Variants in HMGA2 observed in about 807,000 individuals in gnomAD.
The protein encoded by HMGA2 is high mobility group AT-hook 2.
In HMGA2, 8 loss-of-function variants were observed where a neutral mutation model predicts 19.1. The observed-to-expected ratio is 0.42, with a 90% CI of 0.25 to 0.76. The LOEUF (loss-of-function observed/expected upper bound fraction) is 0.76, where lower values mean the gene tolerates loss of function less well. Ranked by LOEUF, HMGA2 falls within the 30% of genes least tolerant of loss-of-function variation. The pLI is 0.28. For synonymous variants in HMGA2, 60 were observed against 48.8 expected, an observed-to-expected ratio of 1.23 and a Z score of -0.96; for missense variants, 109 against 136.3, an observed-to-expected ratio of 0.80 and a Z score of 1.00.
At chr12:65,915,435 C>T in intron 3 of HMGA2, 2 of 1,264,856 alleles carry the variant, frequency 1.6e-6, no homozygotes, top group Non-Finnish European at 2.0e-6. Flanking sequence ...GGGCTGAACT[C>T]CAGTTACTCT....
intron 3 of HMGA2, among the ~76,000 whole-genome samples, chr12:65,853,025 G>C (rs1871553084): frequency 6.6e-6 from 1 of 152,178 alleles, no homozygotes; most frequent in Non-Finnish European, 1.5e-5. Context: ...AAATGACCTG[G>C]AAGGTTGCAG....
At chr12:65,909,610 A>G (rs1874754993) in intron 3 of HMGA2, among the ~76,000 whole-genome samples, 1 of 152,104 alleles carries the variant, frequency 6.6e-6, no homozygotes, top group Non-Finnish European at 1.5e-5. Context: ...CCAACAAAGA[A>G]AAAAAAGGGA....
chr12:65,914,939 T>C, intron 3 of HMGA2: 2 of 1,401,256 alleles, frequency 1.4e-6, no homozygotes, highest in Non-Finnish European at 2.0e-6. Flanking sequence ...CCTCTCAAAG[T>C]GCTGGGAATA....
intron 3 of HMGA2, among the ~76,000 whole-genome samples, chr12:65,838,986 C>CTTTTTTTTTTTTTTTTTTTT (rs1236837070): frequency 1.1e-5 from 1 of 91,358 alleles, no homozygotes; most frequent in Non-Finnish European, 1.9e-5. Flanking sequence ...CTTTTTCTTT[C>CTTTTTTTTTTTTTTTTTTTT]TTTTTCTTTT....
chr12:65,927,091 G>T (rs1458864378), intron 3 of HMGA2, among the ~76,000 whole-genome samples: 2 of 152,138 alleles, frequency 1.3e-5, no homozygotes, highest in African/African-American at 4.8e-5. Flanking sequence ...CAACACACGG[G>T]AGTTTTATCA....
intron 3 of HMGA2, among the ~76,000 whole-genome samples, chr12:65,861,199 C>G (rs147461239): frequency 0.01 from 1,528 of 152,226 alleles, 22 homozygotes; most frequent in African/African-American, 0.034. Flanking sequence ...AACTCTGTCT[C>G]TACTGAAAAT....
Position 65,824,713 on chromosome 12 carries a change from T to TTTCTC in HMGA2, c.-557_-556insTCTCT. ...CCAAGGCACTTTCAATCTCAATCTC[T>TTTCTC]TCTCTCTCTCTCTCTCTCTCTCTCT... is the stretch of plus-strand genomic sequence containing the variant. On this transcript the variant is annotated 5_prime_UTR_variant, in exon 1 of 5. Coordinates refer to ENST00000403681, the MANE Select transcript of HMGA2 (RefSeq NM_003483.6). 1 of 141,658 alleles carries TTTCTC rather than the reference T, an allele frequency of 7.1e-6. No individual in the cohort carries two copies. Among genetic ancestry groups the TTTCTC allele is most frequent in the Non-Finnish European group, 1.4e-5 (1 of 73,642 alleles). 8.8% of individuals were successfully genotyped at this position (141,658 alleles called of 1,614,324 possible). A position where few individuals can be genotyped will look rare whatever the true frequency, so the allele number is the denominator to read the frequency against.
At position 65,825,295 on chromosome 12, in the gene HMGA2, G is replaced by T; in HGVS notation, c.25G>T (p.Gly9Trp). The T allele has an allele frequency of 1.3e-6, 2 of 1,534,242 alleles. No individual in the cohort carries two copies. The highest frequency in any genetic ancestry group is 8.7e-7 in the Non-Finnish European group (1 of 1,144,488). MSARGEGAGQPSTSAQGQP... is the reference protein window; with the variant it reads MSARGEGAWQPSTSAQGQP... ...GATGAGCGCACGCGGTGAGGGCGCG[G>T]GGCAGCCGTCCACTTCAGCCCAGGG... Residue 9 changes from glycine to tryptophan, a missense_variant, in exon 1 of 5, where the codon GGG becomes TGG. Gly to Trp is a radical substitution (Grantham distance 184). Transcript: ENST00000403681. This position sits in a 1 kb window ranked among gnomAD's most constrained non-coding sequence, Gnocchi z 4.4.
chr12:65,941,682 C>T (rs909012360), intron 3 of HMGA2, among the ~76,000 whole-genome samples: 1 of 152,294 alleles, frequency 6.6e-6, no homozygotes, highest in South Asian at 2.1e-4. Context: ...AATCATGATT[C>T]AGCTTTTTAA....
chr12:65,890,182 G>A (rs1480122196), intron 3 of HMGA2, among the ~76,000 whole-genome samples: 1 of 152,096 alleles, frequency 6.6e-6, no homozygotes, highest in African/African-American at 2.4e-5. Flanking sequence ...ACCAAGTTCA[G>A]CCCACTATTT....
chr12:65,913,775 C>G (rs1177532645), intron 3 of HMGA2, among the ~76,000 whole-genome samples: 1 of 152,144 alleles, frequency 6.6e-6, no homozygotes, highest in African/African-American at 2.4e-5. Flanking sequence ...TTCATGGGAC[C>G]TGTCTCTCAG....
At chr12:65,843,631 C>G (rs1380257654) in intron 3 of HMGA2, 1 of 166,946 alleles carries the variant, frequency 6.0e-6, no homozygotes, top group Non-Finnish European at 1.3e-5. Context: ...TTTTACATGT[C>G]CATTACTGTT....
chr12:65,890,704 T>C (rs181725995), intron 3 of HMGA2, among the ~76,000 whole-genome samples: 3 of 151,960 alleles, frequency 2.0e-5, no homozygotes, highest in African/African-American at 7.2e-5. Flanking sequence ...GAGAGGACTA[T>C]TTTACCGCTT....
intron 3 of HMGA2, among the ~76,000 whole-genome samples, chr12:65,910,941 T>A (rs987016141): frequency 6.6e-6 from 1 of 152,224 alleles, no homozygotes; most frequent in South Asian, 2.1e-4. Context: ...ATGCCAGTGG[T>A]TAAGAGAGGT....
chr12:65,881,930 G>C, intron 3 of HMGA2: 1 of 701,438 alleles, frequency 1.4e-6, no homozygotes, highest in South Asian at 1.5e-5. Context: ...AGAAGGCATG[G>C]AGAGATTCCA....
intron 3 of HMGA2, among the ~76,000 whole-genome samples, chr12:65,927,302 ATCCACG>A (rs1875542070): frequency 6.6e-6 from 1 of 152,192 alleles, no homozygotes; most frequent in Non-Finnish European, 1.5e-5. Flanking sequence ...GTGAGCTACC[ATCCACG>A]GCCATACCAG....
At chr12:65,909,132 T>C (rs998638529) in intron 3 of HMGA2, among the ~76,000 whole-genome samples, 7 of 152,256 alleles carry the variant, frequency 4.6e-5, no homozygotes, top group African/African-American at 1.7e-4. Flanking sequence ...ACATTAGCAA[T>C]GTAATAATTT....
chr12:65,832,856 T>C (rs1221377793), intron 2 of HMGA2, among the ~76,000 whole-genome samples: 2 of 152,032 alleles, frequency 1.3e-5, no homozygotes, highest in Non-Finnish European at 2.9e-5. Context: ...CTGTGATCAA[T>C]AGCAATGATC....
chr12:65,952,328 A>T (rs1459151507), intron 4 of HMGA2: 2 of 1,518,524 alleles, frequency 1.3e-6, no homozygotes, highest in Non-Finnish European at 1.8e-6. Context: ...AAGTCTTTAC[A>T]AATCTACCTT....
Sources: gnomAD v4.1 joint callset for allele counts (sites outside exome capture counted in the v4.1 genomes callset) on GRCh38, gnomAD v4.1.1 for gene constraint, Gnocchi (gnomAD v3.1) non-coding constraint, MANE v1.5 for transcripts, NCBI Gene and HGNC (gene_info 2026-07-23, HGNC 2026-07-21) for gene names.